The following TMEM164 variants were observed in gnomAD, a reference collection of about 807,000 sequenced individuals.
The protein encoded by TMEM164 is RP13-360B22.2.
A neutral mutation model predicts 18.8 loss-of-function variants in TMEM164; 4 were observed. The observed-to-expected ratio is 0.21, with a 90% CI of 0.10 to 0.49. The LOEUF (loss-of-function observed/expected upper bound fraction) is 0.49. Among genes scored for constraint, TMEM164 ranks in the 20% least tolerant of loss-of-function variants. The pLI is 0.98. For synonymous variants in TMEM164, 86 were observed against 101.7 expected (o/e 0.85, Z 0.93); for missense variants, 108 against 239.9 (o/e 0.45, Z 3.63).
At chrX:110,163,678 T>C (rs754519475) in intron 5 of TMEM164, among the ~76,000 whole-genome samples, 1 of 112,350 alleles carries the variant, frequency 8.9e-6, no homozygotes, top group South Asian at 3.7e-4. Context: ...TACTTTCCGT[T>C]TATACACTAA....
intron 5 of TMEM164, among the ~76,000 whole-genome samples, chrX:110,156,123 C>T (rs900806554): frequency 3.7e-4 from 41 of 111,606 alleles, no homozygotes; most frequent in African/African-American, 1.3e-3. Flanking sequence ...CCCAGCCTTC[C>T]TTGCTTTGTG....
intron 3 of TMEM164, among the ~76,000 whole-genome samples, chrX:110,067,904 G>C (rs1182000265): frequency 2.7e-5 from 3 of 112,810 alleles, no homozygotes; most frequent in African/African-American, 9.7e-5. Flanking sequence ...ATCTATTAAA[G>C]TATATTGCAG....
downstream of TMEM164, among the ~76,000 whole-genome samples, chrX:110,179,112 A>C: frequency 8.9e-6 from 1 of 112,207 alleles, no homozygotes; most frequent in Non-Finnish European, 1.9e-5. Flanking sequence ...CCTGAAAGGC[A>C]CAGGAAGAAA....
At chrX:110,034,197 T>C (rs766606887) in intron 2 of TMEM164, among the ~76,000 whole-genome samples, 9 of 112,426 alleles carry the variant, frequency 8.0e-5, no homozygotes, top group Admixed American at 1.9e-4. Context: ...CTTGGTGTTC[T>C]GTGTTTTACT....
chrX:110,102,500 G>C (rs1569329304), intron 3 of TMEM164, among the ~76,000 whole-genome samples: 1 of 111,393 alleles, frequency 9.0e-6, no homozygotes. Flanking sequence ...TTTGTTCTTG[G>C]TTGTTATCAA....
intron 3 of TMEM164, among the ~76,000 whole-genome samples, chrX:110,068,188 G>A (rs972279783): frequency 2.7e-5 from 3 of 112,703 alleles, no homozygotes; most frequent in Admixed American, 1.9e-4. Flanking sequence ...TGAGAATGGT[G>A]TAAATGGCTT....
intron 3 of TMEM164, among the ~76,000 whole-genome samples, chrX:110,097,594 G>A (rs769924883): frequency 8.9e-6 from 1 of 112,094 alleles, no homozygotes; most frequent in South Asian, 3.6e-4. Flanking sequence ...GTATAAAAAC[G>A]TGGGCAACAA....
intron 4 of TMEM164, among the ~76,000 whole-genome samples, chrX:110,134,121 G>A (rs946134211): frequency 9.0e-6 from 1 of 111,510 alleles, no homozygotes; most frequent in African/African-American, 3.3e-5. Context: ...ATCTTTTATG[G>A]GCTCAAAGTA....
At chrX:110,092,915 ATGAAGGGCTGT>A (rs2065953623) in intron 3 of TMEM164, among the ~76,000 whole-genome samples, 1 of 112,109 alleles carries the variant, frequency 8.9e-6, no homozygotes, top group African/African-American at 3.2e-5. Flanking sequence ...AATTTTTAGC[ATGAAGGGCTGT>A]TGAATTTTGT....
At chrX:110,005,806 C>T (rs779290825) in intron 2 of TMEM164, among the ~76,000 whole-genome samples, 5 of 111,460 alleles carry the variant, frequency 4.5e-5, no homozygotes, top group African/African-American at 1.3e-4. Flanking sequence ...GTGAGGCTGT[C>T]GGGACAGGAG....
At chrX:110,144,712 C>A in intron 4 of TMEM164, 86 bp from the exon 5 acceptor site, 1 of 724,498 alleles carries the variant, frequency 1.4e-6, no homozygotes, top group Non-Finnish European at 2.1e-6. Flanking sequence ...AATATGGGTC[C>A]TGAACAGCAG....
At chrX:110,153,345 T>C (rs1488131981) in intron 5 of TMEM164, among the ~76,000 whole-genome samples, 1 of 112,111 alleles carries the variant, frequency 8.9e-6, no homozygotes, top group Non-Finnish European at 1.9e-5. Context: ...CAGGGATGTA[T>C]TCCTGTACTG....
intron 4 of TMEM164, among the ~76,000 whole-genome samples, chrX:110,139,208 C>G (rs985960115): frequency 8.9e-6 from 1 of 112,138 alleles, no homozygotes; most frequent in Non-Finnish European, 1.9e-5. Context: ...GCTGGTATGA[C>G]ATTCTTGAGT....
intron 2 of TMEM164, among the ~76,000 whole-genome samples, chrX:110,028,515 T>G (rs1402113506): frequency 1.8e-5 from 2 of 112,607 alleles, no homozygotes; most frequent in African/African-American, 6.5e-5. Context: ...ACCTACTGTT[T>G]AGCTACATTC....
intron 2 of TMEM164, among the ~76,000 whole-genome samples, chrX:110,045,738 A>G (rs1051875015): frequency 9.8e-5 from 11 of 112,236 alleles, no homozygotes; most frequent in African/African-American, 2.9e-4. Flanking sequence ...GAGCCAAAAG[A>G]TGATGGGGAG....
chrX:110,108,125 T>TGTGA (rs1444288844), intron 3 of TMEM164, among the ~76,000 whole-genome samples: 60 of 102,823 alleles, frequency 5.8e-4, no homozygotes, highest in African/African-American at 1.8e-3. Context: ...TGTGTGTGTG[T>TGTGA]GATTGAGATT....
intron 3 of TMEM164, among the ~76,000 whole-genome samples, chrX:110,068,482 G>A (rs1042596051): frequency 1.8e-5 from 2 of 112,138 alleles, no homozygotes; most frequent in African/African-American, 6.5e-5. Flanking sequence ...CATTATGAAA[G>A]TAACAATTCT....
chrX:110,046,381 A>G (rs1935317927), intron 2 of TMEM164: 1 of 753,583 alleles, frequency 1.3e-6, no homozygotes, highest in Non-Finnish European at 1.6e-6. Flanking sequence ...TTCATGTAAT[A>G]GAGGAAAGCA....
At chrX:110,059,065 T>TAG in intron 2 of TMEM164, among the ~76,000 whole-genome samples, 1 of 111,866 alleles carries the variant, frequency 8.9e-6, no homozygotes, top group South Asian at 3.7e-4. Context: ...TACCAAATCC[T>TAG]AGGTCATGAC....
Sources: allele counts gnomAD v4.1 joint callset (sites outside exome capture counted in the v4.1 genomes callset), GRCh38; gene constraint gnomAD v4.1.1; transcripts MANE v1.5; gene names NCBI Gene and HGNC (gene_info 2026-07-23, HGNC 2026-07-21).